Variants in CPPED1 observed in about 807,000 individuals in gnomAD.
The protein encoded by CPPED1 is serine/threonine-protein phosphatase CPPED1.
In CPPED1, 28 loss-of-function variants were observed where a neutral mutation model predicts 28.0. The ratio of observed to expected loss-of-function variants is 1.00; its 90% CI spans 0.74 to 1.37. The LOEUF (loss-of-function observed/expected upper bound fraction) is 1.37, where lower values mean the gene tolerates loss of function less well. CPPED1 is among the 40% of genes most tolerant of loss of function. CPPED1 has a pLI of 0.00. For missense variants in CPPED1, 504 were observed against 416.5 expected (o/e 1.21, Z -1.83); for synonymous variants, 198 against 180.2 (o/e 1.10, Z -0.79).
intron 3 of CPPED1, among the ~76,000 whole-genome samples, chr16:12,681,897 ATAAT>A (rs1159039243): frequency 6.6e-6 from 1 of 152,170 alleles, no homozygotes; most frequent in Non-Finnish European, 1.5e-5. Context: ...GAATTGGGAA[ATAAT>A]TACTCTCCAG....
chr16:12,778,437 C>T (rs9941280), intron 2 of CPPED1, among the ~76,000 whole-genome samples: 5,998 of 150,394 alleles, frequency 0.04, 392 homozygotes, highest in African/African-American at 0.14. Context: ...CCACCATGCC[C>T]GGCTAATTTT....
intron 1 of CPPED1, among the ~76,000 whole-genome samples, chr16:12,788,561 T>C (rs1438891962): frequency 6.6e-6 from 1 of 151,824 alleles, no homozygotes; most frequent in Non-Finnish European, 1.5e-5. Flanking sequence ...AAGGGGGAGA[T>C]GCTGAGGTCT....
chr16:12,771,037 T>A (rs998867418), intron 2 of CPPED1, among the ~76,000 whole-genome samples: 8 of 152,280 alleles, frequency 5.3e-5, no homozygotes, highest in Non-Finnish European at 1.0e-4. Flanking sequence ...TGTCTCTACA[T>A]ATTACTTGTA....
Position 12,670,878 on chromosome 16 carries a change from TCTCA to T in CPPED1, c.716-5767_716-5764del, listed in dbSNP as rs1312047104. Among the ~76,000 whole-genome samples the T allele has an allele frequency of 6.6e-6, 1 of 152,120 alleles. No individual in the cohort carries two copies. The highest frequency in any genetic ancestry group is 1.5e-5 in the Non-Finnish European group (1 of 68,024). ...TTTTAATATATTTTTTGAGGTGGAG[TCTCA>T]CTGTGACGCCCATGCTGAAGTACAG... On this transcript the variant is annotated intron_variant, in intron 3 of 3. Coordinates refer to ENST00000381774, the MANE Select transcript of CPPED1 (RefSeq NM_018340.3). The surrounding 1 kb of genome is among the most constrained non-coding windows in gnomAD (Gnocchi z 4.2).
intron 1 of CPPED1, among the ~76,000 whole-genome samples, chr16:12,782,187 G>A (rs942850029): frequency 5.3e-5 from 8 of 152,072 alleles, no homozygotes; most frequent in Admixed American, 2.0e-4. Flanking sequence ...CAGAACTGCC[G>A]CGCCAGTGCC....
intron 2 of CPPED1, among the ~76,000 whole-genome samples, chr16:12,766,935 G>A (rs1302629285): frequency 6.6e-6 from 1 of 152,076 alleles, no homozygotes; most frequent in East Asian, 1.9e-4. Context: ...GCATTCCCAG[G>A]TGGGAGCAGA....
intron 3 of CPPED1, among the ~76,000 whole-genome samples, chr16:12,685,969 T>G (rs2079930632): frequency 6.6e-6 from 1 of 152,214 alleles, no homozygotes; most frequent in African/African-American, 2.4e-5. Context: ...GAATGGGTCA[T>G]GACAGGGAGA....
At position 12,722,720 on chromosome 16, in the gene CPPED1, T is replaced by C. The variant is rs2080148071; in HGVS notation, c.290-17671A>G. On this transcript the variant is annotated intron_variant, in intron 2 of 3. Transcript: ENST00000381774. ...CAACCTGGATGACAGAATGAAGCCC[T>C]GTCTCAAGAAAAAAAAATCCCTTCC... Among the ~76,000 whole-genome samples, 5 of 152,220 alleles carry C rather than the reference T, an allele frequency of 3.3e-5. No individual in the cohort carries two copies. The South Asian group carries it at 1.0e-3, about 32-fold the overall frequency.
At chr16:12,672,175 T>C (rs1022047177) in intron 3 of CPPED1, among the ~76,000 whole-genome samples, 10 of 152,274 alleles carry the variant, frequency 6.6e-5, no homozygotes, top group African/African-American at 2.2e-4. Context: ...GCAATTCCAT[T>C]GACTTCTTAT....
intron 2 of CPPED1, among the ~76,000 whole-genome samples, chr16:12,776,976 T>G (rs1389925868): frequency 6.6e-6 from 1 of 152,208 alleles, no homozygotes; most frequent in Non-Finnish European, 1.5e-5. Context: ...TCCAGCCACG[T>G]GGAACTGTGA....
intron 2 of CPPED1, among the ~76,000 whole-genome samples, chr16:12,705,918 G>A (rs1412077283): frequency 3.9e-5 from 6 of 152,136 alleles, no homozygotes; most frequent in African/African-American, 1.4e-4. Context: ...CTTTCGGCCT[G>A]TTGATGTATA....
chr16:12,733,315 C>T (rs553285490), intron 2 of CPPED1, among the ~76,000 whole-genome samples: 1 of 146,672 alleles, frequency 6.8e-6, no homozygotes, highest in South Asian at 2.1e-4. Context: ...TGTACTGTCA[C>T]CCAGGCTGGA....
intron 2 of CPPED1, among the ~76,000 whole-genome samples, chr16:12,770,749 G>A (rs893800980): frequency 2.6e-5 from 4 of 152,078 alleles, no homozygotes; most frequent in African/African-American, 7.2e-5. Context: ...TTGAACCCGG[G>A]AGGCAGAGGT....
chr16:12,761,763 C>A (rs1005522141), intron 2 of CPPED1, among the ~76,000 whole-genome samples: 2 of 152,148 alleles, frequency 1.3e-5, no homozygotes, highest in Non-Finnish European at 2.9e-5. Context: ...ATAATACCAA[C>A]ACTTTGGGAG....
intron 1 of CPPED1, among the ~76,000 whole-genome samples, chr16:12,793,050 C>T (rs1383688245): frequency 1.3e-5 from 2 of 152,152 alleles, no homozygotes; most frequent in African/African-American, 4.8e-5. Flanking sequence ...TGCAGCTTGG[C>T]CTCCTTCACT....
intron 1 of CPPED1, among the ~76,000 whole-genome samples, chr16:12,793,536 A>C (rs7199028): frequency 0.28 from 42,841 of 152,060 alleles, 8,060 homozygotes; most frequent in African/African-American, 0.54. Flanking sequence ...CCTCTCTGGG[A>C]CTCAGTCTCC....
intron 2 of CPPED1, among the ~76,000 whole-genome samples, chr16:12,734,007 G>A (rs1031822736): frequency 4.0e-5 from 6 of 149,164 alleles, no homozygotes; most frequent in Non-Finnish European, 8.9e-5. Flanking sequence ...CTTCTAGTTG[G>A]CAATAATTAC....
At chr16:12,737,826 A>G (rs965198413) in intron 2 of CPPED1, among the ~76,000 whole-genome samples, 1 of 152,108 alleles carries the variant, frequency 6.6e-6, no homozygotes, top group African/African-American at 2.4e-5. Context: ...GGAACATTTG[A>G]GCAATTTTCT....
intron 2 of CPPED1, among the ~76,000 whole-genome samples, chr16:12,756,364 C>A (rs761671850): frequency 6.6e-6 from 1 of 152,178 alleles, no homozygotes; most frequent in Non-Finnish European, 1.5e-5. Context: ...GGCAGTTCCA[C>A]GCAAACTACT....
Sources: gnomAD v4.1 joint callset for allele counts (sites outside exome capture counted in the v4.1 genomes callset) on GRCh38, gnomAD v4.1.1 for gene constraint, Gnocchi (gnomAD v3.1) non-coding constraint, MANE v1.5 for transcripts, NCBI Gene and HGNC (gene_info 2026-07-23, HGNC 2026-07-21) for gene names.